The following PBX1 variants were observed in gnomAD, a reference collection of about 807,000 sequenced individuals.
The protein encoded by PBX1 is pre-B-cell leukemia transcription factor 1.
In PBX1, 6 loss-of-function variants were observed where a neutral mutation model predicts 53.4. That is an observed-to-expected ratio of 0.11 (90% CI 0.06 to 0.22). The LOEUF is 0.22. PBX1 is among the 10% of genes least tolerant of loss of function. PBX1 has a pLI of 1.00. For missense variants in PBX1, 251 were observed against 551.4 expected (o/e 0.46, Z 5.46); for synonymous variants, 204 against 212.3 (o/e 0.96, Z 0.34).
At chr1:164,590,911 C>T (rs1366058970) in intron 2 of PBX1, among the ~76,000 whole-genome samples, 2 of 152,092 alleles carry the variant, frequency 1.3e-5, no homozygotes, top group Non-Finnish European at 2.9e-5. Context: ...GTGGTGCGAT[C>T]TCGGCTCACT....
intron 5 of PBX1, 58 bp downstream of exon 5, chr1:164,807,735 C>T: frequency 6.3e-7 from 1 of 1,594,890 alleles, no homozygotes. Context: ...GCCTCCGGGG[C>T]AGGCTCTTAG....
At chr1:164,844,721 G>A (rs1671482705) in intron 8 of PBX1, among the ~76,000 whole-genome samples, 1 of 152,130 alleles carries the variant, frequency 6.6e-6, no homozygotes, top group Non-Finnish European at 1.5e-5. Flanking sequence ...TATATTCCTG[G>A]TTGGGATGGG....
intron 2 of PBX1, among the ~76,000 whole-genome samples, chr1:164,715,762 C>G (rs1240854944): frequency 6.6e-6 from 1 of 152,128 alleles, no homozygotes; most frequent in Admixed American, 6.6e-5. Context: ...GAGTCTATTT[C>G]TCTGACTCAG....
intron 2 of PBX1, among the ~76,000 whole-genome samples, chr1:164,864,699 C>T (rs1331122054): frequency 6.6e-6 from 1 of 152,152 alleles, no homozygotes; most frequent in Non-Finnish European, 1.5e-5. Flanking sequence ...CTGGCCTATC[C>T]CAGGGCAGCT....
Position 164,847,168 on chromosome 1 carries a change from T to C in PBX1, c.*492T>C. ...TCTCTGTTTCTCTTATTACTCTCAC[T>C]ACCTCTTAGCAGGAATACTCCACAT... On this transcript the variant is annotated 3_prime_UTR_variant, in exon 9 of 9. Transcript: ENST00000420696. The C allele has an allele frequency of 9.2e-7, 1 of 1,086,840 alleles. No homozygotes were observed. The highest frequency in any genetic ancestry group is 1.1e-6 in the Non-Finnish European group (1 of 889,996). 67.3% of individuals were successfully genotyped at this position (1,086,840 alleles called of 1,614,324 possible). A position where few individuals can be genotyped will look rare whatever the true frequency, so the allele number is the denominator to read the frequency against.
intron 2 of PBX1, among the ~76,000 whole-genome samples, chr1:164,596,203 A>G (rs926125708): frequency 6.6e-6 from 1 of 152,124 alleles, no homozygotes; most frequent in Non-Finnish European, 1.5e-5. Context: ...CTGTGCAGAA[A>G]GGTTACCTTC....
At chr1:164,592,452 G>T (rs1345662412) in intron 2 of PBX1, among the ~76,000 whole-genome samples, 1 of 152,206 alleles carries the variant, frequency 6.6e-6, no homozygotes, top group Non-Finnish European at 1.5e-5. Flanking sequence ...TCAAGGGTCT[G>T]CAAAGTTGAT....
chr1:164,828,130 C>G (rs940663412), intron 8 of PBX1, among the ~76,000 whole-genome samples: 3 of 152,156 alleles, frequency 2.0e-5, no homozygotes, highest in Non-Finnish European at 4.4e-5. Context: ...ATACCATGGA[C>G]TTAATAATAT....
chr1:164,559,643 A>C lies in PBX1; in HGVS notation c.-180A>C, dbSNP rs1391697384. 1.0e-3 allele frequency: 147 copies of C among 142,700 alleles called. No homozygotes were observed. Among genetic ancestry groups the C allele is most frequent in the South Asian group, 3.6e-3 (22 of 6,034 alleles). 8.8% of individuals were successfully genotyped at this position (142,700 alleles called of 1,614,324 possible). A position where few individuals can be genotyped will look rare whatever the true frequency, so the allele number is the denominator to read the frequency against. On this transcript the variant is annotated 5_prime_UTR_variant, in exon 1 of 9. Transcript: ENST00000420696. ...TCCCCCTCCCCCTCCTCATCCTCCC[A>C]CCATCCTCTAAAGAGGCAAAGGGAT... is the stretch of plus-strand genomic sequence containing the variant.
At chr1:164,631,187 A>G (rs1658390222) in intron 2 of PBX1, 1 of 151,888 alleles carries the variant, frequency 6.6e-6, no homozygotes, top group Non-Finnish European at 1.5e-5. Context: ...GCAGTTTAAG[A>G]TAGCTTTTAA....
intron 2 of PBX1, among the ~76,000 whole-genome samples, chr1:164,746,544 G>A (rs1813662): frequency 6.6e-6 from 1 of 151,602 alleles, no homozygotes. Flanking sequence ...GCCCGGCTAA[G>A]TTTTGTATTC....
At chr1:164,700,800 T>G in intron 2 of PBX1, 2 of 929,776 alleles carry the variant, frequency 2.2e-6, no homozygotes, top group Non-Finnish European at 2.6e-6. Flanking sequence ...TTCACCCATC[T>G]TTGTGTTTTG....
chr1:164,814,766 A>C (rs910404781), intron 6 of PBX1: 1 of 154,470 alleles, frequency 6.5e-6, no homozygotes, highest in Non-Finnish European at 1.4e-5. Context: ...AACAAACAAA[A>C]AAACCAAATA....
intron 2 of PBX1, among the ~76,000 whole-genome samples, chr1:164,861,374 T>G (rs999389737): frequency 6.6e-6 from 1 of 152,214 alleles, no homozygotes; most frequent in African/African-American, 2.4e-5. Context: ...ATCCTAATTG[T>G]TCTTGAGATG....
chr1:164,799,117 T>C (rs1210091398), intron 3 of PBX1, among the ~76,000 whole-genome samples: 1 of 152,186 alleles, frequency 6.6e-6, no homozygotes, highest in East Asian at 1.9e-4. Context: ...GTCATATTCT[T>C]ACATTTTACT....
At chr1:164,799,175 AC>A (rs1049697336) in intron 3 of PBX1, among the ~76,000 whole-genome samples, 5 of 151,418 alleles carry the variant, frequency 3.3e-5, no homozygotes, top group Admixed American at 1.3e-4. Context: ...TGATTAAGAA[AC>A]TTTTTTTTCT....
In PBX1 at chr1:164,630,714, A is replaced by G. The variant is rs1010871612; in HGVS notation, c.265+67403A>G. 2.6e-5 allele frequency among the ~76,000 whole-genome samples: 4 copies of G among 152,320 alleles called. No homozygotes were observed. The South Asian group carries it at 8.3e-4, about 32-fold the overall frequency. On this transcript the variant is annotated intron_variant, in intron 2 of 8. Transcript: ENST00000420696. Reference sequence around the variant, plus strand: ...CTTCTATGACTAAGTGACTAAATTCAGGTCTCTGATTTCAAAGCCCATACT... The same window carrying G: ...CTTCTATGACTAAGTGACTAAATTCGGGTCTCTGATTTCAAAGCCCATACT...
intron 8 of PBX1, among the ~76,000 whole-genome samples, chr1:164,826,850 G>C (rs1267331532): frequency 6.6e-6 from 1 of 152,016 alleles, no homozygotes; most frequent in Admixed American, 6.5e-5. Context: ...CTCTACAAAG[G>C]TAACATGCCG....
intron 2 of PBX1, among the ~76,000 whole-genome samples, chr1:164,698,103 C>A (rs879377658): frequency 6.6e-6 from 1 of 152,064 alleles, no homozygotes; most frequent in Admixed American, 6.6e-5. Flanking sequence ...AATTAAAGTG[C>A]CTGTATCTCC....
Sources: allele counts gnomAD v4.1 joint callset (sites outside exome capture counted in the v4.1 genomes callset), GRCh38; gene constraint gnomAD v4.1.1; transcripts MANE v1.5; gene names NCBI Gene and HGNC (gene_info 2026-07-23, HGNC 2026-07-21).